Variants in WWP2 observed in about 807,000 individuals in gnomAD.
The protein encoded by WWP2 is WW domain containing E3 ubiquitin protein ligase 2, also known as NEDD4-like E3 ubiquitin-protein ligase WWP2.
WWP2 carries 57 observed loss-of-function variants against 121.0 expected under a neutral mutation model. That is an observed-to-expected ratio of 0.47 (90% CI 0.38 to 0.59). WWP2 has a LOEUF of 0.59. Among genes scored for constraint, WWP2 ranks in the 20% least tolerant of loss-of-function variants. The pLI is 0.00. For missense variants in WWP2, 962 were observed against 1,158.9 expected, an observed-to-expected ratio of 0.83 and a Z score of 2.47; for synonymous variants, 449 against 441.3, an observed-to-expected ratio of 1.02 and a Z score of -0.22.
chr16:69,940,209 C>T lies in WWP2; in HGVS notation c.*269C>T, dbSNP rs1205012693. On this transcript the variant is annotated 3_prime_UTR_variant, in exon 24 of 24. Coordinates refer to ENST00000359154, the MANE Select transcript of WWP2 (RefSeq NM_001270454.2). Reference sequence around the variant, plus strand: ...CAGAGGGCTGACCCTCTCTGCAAAACTCTCCCCTGTCCTCTAGACCCCACC... The same window carrying T: ...CAGAGGGCTGACCCTCTCTGCAAAATTCTCCCCTGTCCTCTAGACCCCACC... 2 of 504,576 alleles carry T rather than the reference C, an allele frequency of 4.0e-6. No homozygotes were observed. Among genetic ancestry groups the T allele is most frequent in the Non-Finnish European group, 7.1e-6 (2 of 282,946 alleles). The allele number at this position is 504,576 out of a possible 1,614,324, so 31.3% of individuals were successfully genotyped here.
At chr16:69,886,655 G>T (rs765628048) in intron 7 of WWP2, among the ~76,000 whole-genome samples, 2 of 152,154 alleles carry the variant, frequency 1.3e-5, no homozygotes, top group African/African-American at 2.4e-5. Flanking sequence ...AGCTACTTGG[G>T]AGACTGAGGC....
At chr16:69,841,871 TCTC>T (rs1168883759) in intron 5 of WWP2, among the ~76,000 whole-genome samples, 150 bp from the exon 6 acceptor site, 2 of 152,118 alleles carry the variant, frequency 1.3e-5, no homozygotes, top group South Asian at 2.1e-4. Context: ...CTGTTCCTCT[TCTC>T]CTGGTGGCTG....
intron 4 of WWP2, among the ~76,000 whole-genome samples, chr16:69,802,385 C>T (rs1248465877): frequency 6.6e-6 from 1 of 152,164 alleles, no homozygotes; most frequent in East Asian, 1.9e-4. Context: ...AACTGAAATT[C>T]TGTCCCATTA....
intron 7 of WWP2, among the ~76,000 whole-genome samples, chr16:69,885,434 A>G (rs879924972): frequency 1.1e-4 from 16 of 152,232 alleles, no homozygotes; most frequent in Non-Finnish European, 1.9e-4. Context: ...AATATTTTAT[A>G]TACTTCAGAG....
chr16:69,775,584 G>T (rs933283707), intron 1 of WWP2, among the ~76,000 whole-genome samples: 1 of 152,122 alleles, frequency 6.6e-6, no homozygotes, highest in Non-Finnish European at 1.5e-5. Flanking sequence ...TTAGAGCCCT[G>T]AACCTAGTAA....
At chr16:69,929,627 T>G in intron 12 of WWP2, 98 bp downstream of exon 12, 1 of 1,044,124 alleles carries the variant, frequency 9.6e-7, no homozygotes, top group Non-Finnish European at 1.5e-6. Flanking sequence ...CCCAGAGGGC[T>G]GATGTCAGGG....
At position 69,940,497 on chromosome 16, in the gene WWP2, G is replaced by A. The variant is rs2058866206; in HGVS notation, c.*557G>A. 1 of 153,788 alleles carries A rather than the reference G, an allele frequency of 6.5e-6. No homozygotes were observed. Among genetic ancestry groups the A allele is most frequent in the South Asian group, 2.0e-4 (1 of 4,882 alleles). The allele number at this position is 153,788 out of a possible 1,614,324, so 9.5% of individuals were successfully genotyped here. A position where few individuals can be genotyped will look rare whatever the true frequency, so the allele number is the denominator to read the frequency against. On this transcript the variant is annotated 3_prime_UTR_variant, in exon 24 of 24. Transcript: ENST00000359154. ...TGCCTCCCTAGCAGGCGCCAGCGGT[G>A]GAGGCTGAGTCGCAGGACACATGCC...
intron 2 of WWP2, among the ~76,000 whole-genome samples, chr16:69,791,771 T>C (rs1452462070): frequency 2.6e-5 from 4 of 152,226 alleles, no homozygotes; most frequent in African/African-American, 4.8e-5. Context: ...TCTCCCACCT[T>C]GGCCTCTTAA....
rs189778106 is a variant in WWP2, at chr16:69,847,147, C to G, written c.575+5027C>G. On this transcript the variant is annotated intron_variant, in intron 6 of 23. Coordinates refer to ENST00000359154, the MANE Select transcript of WWP2 (RefSeq NM_001270454.2). ...TCGCCCAGGCTGGAGTGCAGTGCCA[C>G]GATCTCGGCTCACTATAAACTCTGC... Among the ~76,000 whole-genome samples, 774 of 152,204 alleles carry G rather than the reference C, an allele frequency of 5.1e-3. 7 individuals carry two copies. The highest frequency in any genetic ancestry group is 0.018 in the African/African-American group (740 of 41,548).
At chr16:69,899,623 G>A (rs1488735420) in intron 8 of WWP2, among the ~76,000 whole-genome samples, 2 of 151,340 alleles carry the variant, frequency 1.3e-5, no homozygotes, top group Admixed American at 6.6e-5. Context: ...TCAGCTACTC[G>A]GGAGGCTGAG....
intron 6 of WWP2, among the ~76,000 whole-genome samples, chr16:69,846,956 C>CA (rs1162919053): frequency 6.6e-6 from 1 of 152,146 alleles, no homozygotes; most frequent in Non-Finnish European, 1.5e-5. Flanking sequence ...TGCAGTGGCT[C>CA]ACCCACAGCT....
intron 4 of WWP2, among the ~76,000 whole-genome samples, chr16:69,834,499 A>AT (rs2056841919): frequency 7.0e-6 from 1 of 142,760 alleles, no homozygotes; most frequent in Non-Finnish European, 1.5e-5. Flanking sequence ...TCTTTTTTAA[A>AT]TTTTTTTATT....
At position 69,923,986 on chromosome 16, in the gene WWP2, A is replaced by T. The variant is rs565902093; in HGVS notation, c.1180-1444A>T. On this transcript the variant is annotated intron_variant, in intron 10 of 23. Transcript: ENST00000359154. ...CAGTAATGATTCAACGTGATTTGTG[A>T]TGGAGAATTTTAGGCACAGCTTGAG... is the stretch of plus-strand genomic sequence containing the variant. Among the ~76,000 whole-genome samples the T allele has an allele frequency of 1.9e-3, 289 of 151,638 alleles. 1 individual carries two copies. The highest frequency in any genetic ancestry group is 2.3e-3 in the Non-Finnish European group (155 of 67,912).
intron 6 of WWP2, among the ~76,000 whole-genome samples, chr16:69,851,636 G>C (rs2057215597): frequency 6.6e-6 from 1 of 152,104 alleles, no homozygotes; most frequent in Non-Finnish European, 1.5e-5. Context: ...TGGCAATGAT[G>C]AATAATAAAG....
At chr16:69,907,908 AAT>A (rs1464222937) in intron 8 of WWP2, among the ~76,000 whole-genome samples, 1 of 152,196 alleles carries the variant, frequency 6.6e-6, no homozygotes, top group Admixed American at 6.5e-5. Flanking sequence ...TGTGAGCATG[AAT>A]ATATATGATG....
At chr16:69,939,605 TC>T (rs1428721363) in intron 23 of WWP2, among the ~76,000 whole-genome samples, 192 bp downstream of exon 23, 1 of 152,114 alleles carries the variant, frequency 6.6e-6, no homozygotes, top group Non-Finnish European at 1.5e-5. Context: ...GCACTTCTGT[TC>T]CAGTAGTCCA....
At chr16:69,803,551 A>G (rs950906199) in intron 4 of WWP2, among the ~76,000 whole-genome samples, 2 of 152,060 alleles carry the variant, frequency 1.3e-5, no homozygotes, top group African/African-American at 4.8e-5. Context: ...TGGTTGTTCT[A>G]TCTCTGAGGC....
chr16:69,876,312 C>G lies in WWP2; in HGVS notation c.703+4381C>G, dbSNP rs115718650. Reference sequence around the variant, plus strand: ...AATCATGATCTAAGGCAGTTATAGCCTTATAAAATGTATTTGGTTTTTTTG... The same window carrying G: ...AATCATGATCTAAGGCAGTTATAGCGTTATAAAATGTATTTGGTTTTTTTG... On this transcript the variant is annotated intron_variant, in intron 7 of 23. Transcript: ENST00000359154. Among the ~76,000 whole-genome samples, 263 of 149,494 alleles carry G rather than the reference C, an allele frequency of 1.8e-3. 4 individuals carry two copies. Among genetic ancestry groups the G allele is most frequent in the African/African-American group, 6.1e-3 (247 of 40,738 alleles).
chr16:69,883,978 A>G (rs763041788), intron 7 of WWP2, among the ~76,000 whole-genome samples: 6 of 152,220 alleles, frequency 3.9e-5, no homozygotes, highest in Non-Finnish European at 7.3e-5. Flanking sequence ...TAATAGTTAT[A>G]TGTTACTAAA....
Sources: allele counts gnomAD v4.1 joint callset (sites outside exome capture counted in the v4.1 genomes callset), GRCh38; gene constraint gnomAD v4.1.1; transcripts MANE v1.5; gene names NCBI Gene and HGNC (gene_info 2026-07-23, HGNC 2026-07-21).